Variants in TBC1D1 observed in about 807,000 individuals in gnomAD.
TBC1D1 encodes the protein TBC1 domain family member 1.
Under a neutral mutation model 125.6 loss-of-function variants are expected in TBC1D1, and 89 were observed. That is an observed-to-expected ratio of 0.71 (90% CI 0.60 to 0.85). TBC1D1 has a LOEUF of 0.85. Ranked by LOEUF, TBC1D1 falls within the 40% of genes least tolerant of loss-of-function variation. The pLI, the probability that TBC1D1 is intolerant of heterozygous loss-of-function variation, is 0.00. For synonymous variants in TBC1D1, 565 were observed against 564.1 expected, an observed-to-expected ratio of 1.00 and a Z score of -0.02; for missense variants, 1,377 against 1,469.2, an observed-to-expected ratio of 0.94 and a Z score of 1.03.
intron 12 of TBC1D1, among the ~76,000 whole-genome samples, chr4:38,086,585 CCCCGACCAAATTTGGGACAAG>C (rs1757521533): frequency 6.6e-6 from 1 of 152,234 alleles, no homozygotes; most frequent in Admixed American, 6.5e-5. Context: ...GGCCTGGATC[CCCCGACCAAATTTGGGACAAG>C]CTCCTGCCAT....
intron 2 of TBC1D1, among the ~76,000 whole-genome samples, chr4:37,947,196 G>A (rs780980445): frequency 2.1e-4 from 32 of 152,158 alleles, no homozygotes; most frequent in African/African-American, 6.7e-4. Flanking sequence ...TTGCTCTGTC[G>A]CCCAGGCTGG....
chr4:38,001,061 A>G (rs962546502), intron 2 of TBC1D1, among the ~76,000 whole-genome samples: 2 of 152,154 alleles, frequency 1.3e-5, no homozygotes, highest in Non-Finnish European at 2.9e-5. Context: ...TCTACTAAAA[A>G]TACAAAAAGT....
chr4:38,111,205 C>G (rs779274883), intron 15 of TBC1D1, among the ~76,000 whole-genome samples: 1 of 152,204 alleles, frequency 6.6e-6, no homozygotes, highest in Non-Finnish European at 1.5e-5. Context: ...TGCTTTTAAT[C>G]CCCCTCATCC....
At chr4:38,133,640 G>A (rs1765982700) in intron 19 of TBC1D1, among the ~76,000 whole-genome samples, 1 of 152,168 alleles carries the variant, frequency 6.6e-6, no homozygotes, top group Non-Finnish European at 1.5e-5. Flanking sequence ...GTCCACAGAG[G>A]GATGGTAAAG....
intron 18 of TBC1D1, among the ~76,000 whole-genome samples, chr4:38,129,227 T>A (rs1476042144): frequency 2.0e-5 from 3 of 152,182 alleles, no homozygotes; most frequent in African/African-American, 7.2e-5. Flanking sequence ...AGCTTGTAGG[T>A]TAGAAACCAG....
At chr4:38,003,481 C>T (rs1402417017) in intron 2 of TBC1D1, among the ~76,000 whole-genome samples, 1 of 152,126 alleles carries the variant, frequency 6.6e-6, no homozygotes, top group Non-Finnish European at 1.5e-5. Context: ...TATCTATTGC[C>T]TGCTGATATT....
At chr4:38,109,738 C>T (rs981447310) in intron 15 of TBC1D1, among the ~76,000 whole-genome samples, 4 of 152,194 alleles carry the variant, frequency 2.6e-5, no homozygotes, top group Admixed American at 1.3e-4. Context: ...ATTCCCTGCA[C>T]TCTGGGAAGC....
intron 12 of TBC1D1, among the ~76,000 whole-genome samples, chr4:38,077,046 C>G (rs542861185): frequency 6.6e-6 from 1 of 152,328 alleles, no homozygotes; most frequent in South Asian, 2.1e-4. Context: ...AATAGCTGTT[C>G]CTTCTACCTC....
intron 13 of TBC1D1, among the ~76,000 whole-genome samples, chr4:38,095,418 A>G (rs1001717558): frequency 6.0e-4 from 92 of 152,308 alleles, no homozygotes; most frequent in African/African-American, 2.2e-3. Context: ...GAGAGATGTC[A>G]TTTGAAAGGG....
intron 2 of TBC1D1, among the ~76,000 whole-genome samples, chr4:37,979,449 C>G (rs1411179450): frequency 1.3e-5 from 2 of 152,210 alleles, no homozygotes; most frequent in Non-Finnish European, 2.9e-5. Context: ...TTCTATGGAA[C>G]TGATGTGGTT....
intron 6 of TBC1D1, among the ~76,000 whole-genome samples, chr4:38,026,111 T>C (rs916238780): frequency 1.3e-5 from 2 of 152,066 alleles, no homozygotes; most frequent in Non-Finnish European, 2.9e-5. Context: ...CTAATATTCA[T>C]TTTAGGGTGA....
intron 18 of TBC1D1, among the ~76,000 whole-genome samples, chr4:38,128,548 T>G (rs1765040451): frequency 6.6e-6 from 1 of 152,182 alleles, no homozygotes; most frequent in Non-Finnish European, 1.5e-5. Flanking sequence ...TGGGTGGTCC[T>G]CTGTGATAGC....
chr4:38,060,747 C>T (rs1438570505), intron 12 of TBC1D1: 10 of 856,324 alleles, frequency 1.2e-5, no homozygotes, highest in South Asian at 9.2e-5. Flanking sequence ...TGGTTTAGAG[C>T]GGTGTTTTAC....
chr4:38,109,552 A>G (rs1395586004), intron 15 of TBC1D1, among the ~76,000 whole-genome samples: 2 of 152,214 alleles, frequency 1.3e-5, no homozygotes, highest in Non-Finnish European at 2.9e-5. Flanking sequence ...TTGTGCAACT[A>G]GTCCTCCCAC....
chr4:38,115,586 G>T, intron 15 of TBC1D1, 124 bp from the exon 18 acceptor site: 4 of 998,310 alleles, frequency 4.0e-6, no homozygotes, highest in Non-Finnish European at 5.8e-6. Context: ...GGCAAAGACT[G>T]ATTGATATTA....
intron 14 of TBC1D1, among the ~76,000 whole-genome samples, chr4:38,096,303 T>A (rs1759335065): frequency 6.6e-6 from 1 of 152,136 alleles, no homozygotes; most frequent in African/African-American, 2.4e-5. Context: ...GGCCGGGAAA[T>A]AGGAAGAAGA....
In TBC1D1 at chr4:37,977,251, T is replaced by TCC. The variant is rs1230524849; in HGVS notation, c.418-37253_418-37252dup. On this transcript the variant is annotated intron_variant, in intron 2 of 19. Transcript: ENST00000261439. The surrounding 1 kb of genome is among the most constrained non-coding windows in gnomAD (Gnocchi z 4.3). Reference sequence around the variant, plus strand: ...CGCGCCCTCCCCTCCTCTCCCCTCCTCCCCCCGCCCACCCCCTCCCCGCGC... The same window carrying TCC: ...CGCGCCCTCCCCTCCTCTCCCCTCCTCCCCCCCCGCCCACCCCCTCCCCGCGC... 2 of 32,152 alleles carry TCC rather than the reference T, an allele frequency of 6.2e-5. No homozygotes were observed. Among genetic ancestry groups the TCC allele is most frequent in the African/African-American group, 1.3e-4 (1 of 7,828 alleles). The allele number at this position is 32,152 out of a possible 1,614,324, so 2.0% of individuals were successfully genotyped here.
At chr4:38,080,529 GAACT>G (rs1756364856) in intron 12 of TBC1D1, among the ~76,000 whole-genome samples, 1 of 152,186 alleles carries the variant, frequency 6.6e-6, no homozygotes. Flanking sequence ...GCCCCGTGGG[GAACT>G]ACTTGCAGTC....
chr4:38,005,166 C>T (rs537904736), intron 2 of TBC1D1, among the ~76,000 whole-genome samples: 2 of 151,966 alleles, frequency 1.3e-5, no homozygotes, highest in Non-Finnish European at 2.9e-5. Flanking sequence ...CCCCAGGATG[C>T]GGAAAAAGGG....
Sources: allele counts gnomAD v4.1 joint callset (sites outside exome capture counted in the v4.1 genomes callset), GRCh38; gene constraint gnomAD v4.1.1; non-coding constraint Gnocchi (gnomAD v3.1); transcripts MANE v1.5; gene names NCBI Gene and HGNC (gene_info 2026-07-23, HGNC 2026-07-21).